Variants in CAMSAP1 observed in about 807,000 individuals in gnomAD.
The protein encoded by CAMSAP1 is calmodulin-regulated spectrin-associated protein 1.
CAMSAP1 carries 58 observed loss-of-function variants against 143.5 expected under a neutral mutation model. The ratio of observed to expected loss-of-function variants is 0.40; its 90% CI spans 0.33 to 0.50. The LOEUF (loss-of-function observed/expected upper bound fraction) is 0.50, where lower values mean the gene tolerates loss of function less well. Among genes scored for constraint, CAMSAP1 ranks in the 20% least tolerant of loss-of-function variants. The pLI, the probability that CAMSAP1 is intolerant of heterozygous loss-of-function variation, is 0.45. For missense variants in CAMSAP1, 1,969 were observed against 2,115.7 expected, an observed-to-expected ratio of 0.93 and a Z score of 1.36; for synonymous variants, 945 against 859.3, an observed-to-expected ratio of 1.10 and a Z score of -1.74.
chr9:135,832,362 T>C (rs1259624348), intron 7 of CAMSAP1, among the ~76,000 whole-genome samples: 2 of 152,004 alleles, frequency 1.3e-5, no homozygotes, highest in African/African-American at 4.8e-5. Flanking sequence ...TCAACATCCA[T>C]TCATGATTTA....
At position 135,829,421 on chromosome 9, in the gene CAMSAP1, G is replaced by A. The variant is rs549712140; in HGVS notation, c.1046-1837C>T. ...AGTCCCAGCTACTTGGGAGGCTGAG[G>A]TAGGAGGATTGCTTGAGCCCAGGAG... On this transcript the variant is annotated intron_variant, in intron 7 of 16. Coordinates refer to ENST00000389532, the MANE Select transcript of CAMSAP1 (RefSeq NM_015447.4). Among the ~76,000 whole-genome samples, 140 of 152,252 alleles carry A rather than the reference G, an allele frequency of 9.2e-4. 1 individual carries two copies. Among genetic ancestry groups the A allele is most frequent in the Middle Eastern group, 3.4e-3 (1 of 294 alleles).
At chr9:135,839,806 C>T (rs914848762) in intron 7 of CAMSAP1, among the ~76,000 whole-genome samples, 5 of 152,070 alleles carry the variant, frequency 3.3e-5, no homozygotes, top group Non-Finnish European at 7.4e-5. Flanking sequence ...AGCAGCCCAC[C>T]GAGCCCCTCT....
intron 7 of CAMSAP1, among the ~76,000 whole-genome samples, chr9:135,833,112 C>T (rs1436148776): frequency 2.1e-5 from 3 of 145,022 alleles, no homozygotes; most frequent in Admixed American, 7.0e-5. Flanking sequence ...GACGGAGTCT[C>T]GCTCTGTCGC....
Position 135,866,354 on chromosome 9 carries a change from TA to T in CAMSAP1, c.666+101del, listed in dbSNP as rs781351701. On this transcript the variant is annotated intron_variant, in intron 4 of 16. Transcript: ENST00000389532. ...AGAGACTAGCTGCTTCTTTGGTGAGTAAAAATAGAGAATAAGCAAATAGTGG... is the reference window on the plus strand; with the variant it reads ...AGAGACTAGCTGCTTCTTTGGTGAGTAAAATAGAGAATAAGCAAATAGTGG... 529 of 677,780 alleles carry T rather than the reference TA, an allele frequency of 7.8e-4. 2 individuals carry two copies. The highest frequency in any genetic ancestry group is 1.3e-3 in the Admixed American group (55 of 42,122). The allele number at this position is 677,780 out of a possible 1,614,324, so 42.0% of individuals were successfully genotyped here.
chr9:135,826,008 C>T lies in CAMSAP1; in HGVS notation c.1224-1128G>A, dbSNP rs1835658094. On this transcript the variant is annotated intron_variant, in intron 8 of 16. Coordinates refer to ENST00000389532, the MANE Select transcript of CAMSAP1 (RefSeq NM_015447.4). This position sits in a 1 kb window ranked among gnomAD's most constrained non-coding sequence, Gnocchi z 4.4. Reference sequence around the variant, plus strand: ...CTGTGTCAGGGCCACAATGCAAACCCTGCAGCCTGGACACCGTGGGGACAG... The same window carrying T: ...CTGTGTCAGGGCCACAATGCAAACCTTGCAGCCTGGACACCGTGGGGACAG... 1 of 152,368 alleles carries T rather than the reference C, an allele frequency of 6.6e-6. No homozygotes were observed. Among genetic ancestry groups the T allele is most frequent in the Non-Finnish European group, 1.5e-5 (1 of 68,138 alleles). 9.4% of individuals were successfully genotyped at this position (152,368 alleles called of 1,614,324 possible).
At chr9:135,833,030 C>A (rs1588455650) in intron 7 of CAMSAP1, among the ~76,000 whole-genome samples, 1 of 112,606 alleles carries the variant, frequency 8.9e-6, no homozygotes, top group Non-Finnish European at 2.2e-5. Context: ...GAAAAACAAA[C>A]CTAAAATCTG....
chr9:135,826,631 G>A lies in CAMSAP1; in HGVS notation c.1223+776C>T, dbSNP rs932650183. 4.6e-5 allele frequency among the ~76,000 whole-genome samples: 7 copies of A among 152,214 alleles called. No individual in the cohort carries two copies. Among genetic ancestry groups the A allele is most frequent in the African/African-American group, 1.4e-4 (6 of 41,440 alleles). On this transcript the variant is annotated intron_variant, in intron 8 of 16. Coordinates refer to ENST00000389532, the MANE Select transcript of CAMSAP1 (RefSeq NM_015447.4). This position sits in a 1 kb window ranked among gnomAD's most constrained non-coding sequence, Gnocchi z 4.4. ...GTCTCACTGAACCATTCACTTATGT[G>A]AATTATTTAAAACCACTTTTAAATA...
Position 135,808,931 on chromosome 9 carries a change from G to C in CAMSAP1, c.*2378C>G, listed in dbSNP as rs1218747617. 6.6e-6 allele frequency: 1 copy of C among 152,208 alleles called. No homozygotes were observed. The highest frequency in any genetic ancestry group is 1.5e-5 in the Non-Finnish European group (1 of 68,046). The allele number at this position is 152,208 out of a possible 1,614,324, so 9.4% of individuals were successfully genotyped here. A position where few individuals can be genotyped will look rare whatever the true frequency, so the allele number is the denominator to read the frequency against. On this transcript the variant is annotated 3_prime_UTR_variant, in exon 17 of 17. Coordinates refer to ENST00000389532, the MANE Select transcript of CAMSAP1 (RefSeq NM_015447.4). ...AGTTATATCCTAAATGGGTAGAGCA[G>C]CTTGTCTTAAATAACAAGGTTAGAA...
intron 3 of CAMSAP1, among the ~76,000 whole-genome samples, chr9:135,879,204 T>C (rs1431685952): frequency 1.3e-5 from 2 of 152,134 alleles, no homozygotes; most frequent in African/African-American, 2.4e-5. Flanking sequence ...GGAAATACAA[T>C]GTATTTCTTT....
chr9:135,835,745 G>A (rs1047470624), intron 7 of CAMSAP1, among the ~76,000 whole-genome samples: 13 of 152,306 alleles, frequency 8.5e-5, no homozygotes, highest in African/African-American at 2.6e-4. Flanking sequence ...TTGGGAAGCC[G>A]GAAAAGGCAG....
intron 3 of CAMSAP1, among the ~76,000 whole-genome samples, chr9:135,869,779 A>C (rs1837508106): frequency 6.6e-6 from 1 of 152,218 alleles, no homozygotes. Context: ...AAACACCACA[A>C]ATGCCCATCA....
chr9:135,855,811 G>A (rs937745614), intron 5 of CAMSAP1, among the ~76,000 whole-genome samples: 2 of 151,494 alleles, frequency 1.3e-5, no homozygotes, highest in African/African-American at 4.9e-5. Flanking sequence ...CCAGCACTTT[G>A]GGAGGCCGAG....
intron 7 of CAMSAP1, among the ~76,000 whole-genome samples, chr9:135,848,703 A>T (rs979078529): frequency 2.6e-5 from 4 of 152,168 alleles, no homozygotes; most frequent in Non-Finnish European, 5.9e-5. Context: ...ATCTTGTGGC[A>T]TGGACATAGA....
At chr9:135,849,553 G>T (rs1836698546) in intron 7 of CAMSAP1, among the ~76,000 whole-genome samples, 1 of 151,980 alleles carries the variant, frequency 6.6e-6, no homozygotes, top group Non-Finnish European at 1.5e-5. Context: ...GGCTATGAAT[G>T]AGCTCTTTAT....
chr9:135,892,066 G>A (rs113148164), intron 1 of CAMSAP1, among the ~76,000 whole-genome samples: 267 of 152,250 alleles, frequency 1.8e-3, no homozygotes, highest in African/African-American at 4.6e-3. Context: ...CAACACTGTC[G>A]GTAGAGAAAA....
chr9:135,894,969 C>T (rs150614881), intron 1 of CAMSAP1, among the ~76,000 whole-genome samples: 49 of 152,200 alleles, frequency 3.2e-4, no homozygotes, highest in Non-Finnish European at 6.9e-4. Flanking sequence ...CATTTTAAAA[C>T]TCACTGGATG....
At chr9:135,905,167 T>A (rs1056763448) in intron 1 of CAMSAP1, among the ~76,000 whole-genome samples, 1 of 152,206 alleles carries the variant, frequency 6.6e-6, no homozygotes, top group Non-Finnish European at 1.5e-5. Context: ...TAGTATCAGA[T>A]TGTGAATTCA....
chr9:135,857,995 T>C (rs1177366708), intron 5 of CAMSAP1, among the ~76,000 whole-genome samples: 1 of 152,140 alleles, frequency 6.6e-6, no homozygotes, highest in Non-Finnish European at 1.5e-5. Context: ...AGAAGCAAAG[T>C]GAACCTGAGC....
At chr9:135,833,078 C>CA (rs1289381676) in intron 7 of CAMSAP1, among the ~76,000 whole-genome samples, 1 of 96,534 alleles carries the variant, frequency 1.0e-5, no homozygotes. Context: ...CCACAGTAAT[C>CA]TTTTTTTTTT....
Sources: gnomAD v4.1 joint callset for allele counts (sites outside exome capture counted in the v4.1 genomes callset) on GRCh38, gnomAD v4.1.1 for gene constraint, Gnocchi (gnomAD v3.1) non-coding constraint, MANE v1.5 for transcripts, NCBI Gene and HGNC (gene_info 2026-07-23, HGNC 2026-07-21) for gene names.